Variants in SPIN1 observed in about 807,000 individuals in gnomAD.
SPIN1 encodes the protein spindlin-1.
In SPIN1, 3 loss-of-function variants were observed where a neutral mutation model predicts 26.0. The ratio of observed to expected loss-of-function variants is 0.12; its 90% CI spans 0.05 to 0.30. The LOEUF (loss-of-function observed/expected upper bound fraction) is 0.30. Ranked by LOEUF, SPIN1 falls within the 10% of genes least tolerant of loss-of-function variation. The pLI is 1.00. For missense variants in SPIN1, 126 were observed against 333.4 expected (o/e 0.38, Z 4.84); for synonymous variants, 101 against 116.5 (o/e 0.87, Z 0.86).
intron 1 of SPIN1, among the ~76,000 whole-genome samples, chr9:88,417,337 T>C (rs1827588025): frequency 6.6e-6 from 1 of 152,230 alleles, no homozygotes; most frequent in South Asian, 2.1e-4. Flanking sequence ...TGTGTCTCAT[T>C]TTCTCTGATG....
At chr9:88,472,180 A>G (rs1828803025) in intron 5 of SPIN1, among the ~76,000 whole-genome samples, 1 of 152,176 alleles carries the variant, frequency 6.6e-6, no homozygotes, top group African/African-American at 2.4e-5. Flanking sequence ...ACTTGTCAGA[A>G]CAAAGAAGTC....
chr9:88,444,691 C>CTTTTTTTTTTTTT (rs1226379698), intron 2 of SPIN1, among the ~76,000 whole-genome samples: 1 of 123,068 alleles, frequency 8.1e-6, no homozygotes, highest in Non-Finnish European at 1.7e-5. Flanking sequence ...CTTTTCTTTT[C>CTTTTTTTTTTTTT]TTTTTTTTTT....
At chr9:88,419,809 G>T (rs11142290) in intron 1 of SPIN1, among the ~76,000 whole-genome samples, 1 of 152,186 alleles carries the variant, frequency 6.6e-6, no homozygotes, top group Admixed American at 6.5e-5. Context: ...TGATAGACCA[G>T]ACTAAAATCT....
At chr9:88,457,681 C>T (rs578201008) in intron 3 of SPIN1, 1 of 245,502 alleles carries the variant, frequency 4.1e-6, no homozygotes, top group South Asian at 1.5e-4. Context: ...AGACTTTGAA[C>T]CTGATTTGTA....
At chr9:88,405,666 C>T (rs1827286748) in intron 1 of SPIN1, among the ~76,000 whole-genome samples, 1 of 151,036 alleles carries the variant, frequency 6.6e-6, no homozygotes. Flanking sequence ...GCCTCAGCCT[C>T]CTGAGTAGCT....
At chr9:88,394,393 A>G (rs1827008177) in intron 1 of SPIN1, among the ~76,000 whole-genome samples, 2 of 152,268 alleles carry the variant, frequency 1.3e-5, no homozygotes, top group Non-Finnish European at 2.9e-5. Flanking sequence ...TCTGGGTGTT[A>G]TATGTTCTTA....
At chr9:88,454,389 G>A (rs1828427031) in intron 3 of SPIN1, among the ~76,000 whole-genome samples, 1 of 152,000 alleles carries the variant, frequency 6.6e-6, no homozygotes, top group Non-Finnish European at 1.5e-5. Context: ...ATGACCAAAG[G>A]GTGTTTGATC....
intron 2 of SPIN1, among the ~76,000 whole-genome samples, chr9:88,434,704 T>C (rs1422290278): frequency 6.6e-6 from 1 of 152,182 alleles, no homozygotes; most frequent in African/African-American, 2.4e-5. Context: ...ACCATATTCA[T>C]TTGGTATCCA....
chr9:88,472,603 C>G (rs1026277275), intron 5 of SPIN1, among the ~76,000 whole-genome samples: 2 of 152,208 alleles, frequency 1.3e-5, no homozygotes, highest in Admixed American at 1.3e-4. Context: ...GGCAATTCGT[C>G]TACCTCAGCC....
intron 1 of SPIN1, chr9:88,391,703 A>C (rs1223074368): frequency 1.3e-5 from 2 of 152,082 alleles, no homozygotes; most frequent in Non-Finnish European, 2.9e-5. Context: ...GTTGAAAGTC[A>C]CGCTACTGAA....
chr9:88,421,297 G>A (rs78604220), intron 1 of SPIN1, among the ~76,000 whole-genome samples: 2,943 of 152,212 alleles, frequency 0.019, 69 homozygotes, highest in African/African-American at 0.063. Flanking sequence ...AAATGTGTGT[G>A]TGTGTGTGTC....
chr9:88,413,268 G>A (rs1461296202), intron 1 of SPIN1, among the ~76,000 whole-genome samples: 1 of 151,660 alleles, frequency 6.6e-6, no homozygotes, highest in South Asian at 2.1e-4. Context: ...ATGTTGGCCA[G>A]GCTGGTCTCA....
At chr9:88,395,074 C>G (rs1322169722) in intron 1 of SPIN1, among the ~76,000 whole-genome samples, 1 of 151,928 alleles carries the variant, frequency 6.6e-6, no homozygotes, top group Admixed American at 6.6e-5. Context: ...TGCCAAAGTG[C>G]TGGGATTACA....
chr9:88,442,651 C>G (rs1446781659), intron 2 of SPIN1, among the ~76,000 whole-genome samples: 1 of 151,728 alleles, frequency 6.6e-6, no homozygotes, highest in African/African-American at 2.4e-5. Flanking sequence ...TCCCAAAGTG[C>G]TGGGATTACA....
chr9:88,411,334 A>G, intron 1 of SPIN1: 1 of 1,479,736 alleles, frequency 6.8e-7, no homozygotes, highest in East Asian at 2.3e-5. Flanking sequence ...TCATTACCAC[A>G]CAGTCCGTGA....
chr9:88,427,111 TA>T (rs1827777883), intron 2 of SPIN1, among the ~76,000 whole-genome samples: 1 of 152,194 alleles, frequency 6.6e-6, no homozygotes, highest in Non-Finnish European at 1.5e-5. Flanking sequence ...CCAATAAAGA[TA>T]AACAAAATCT....
At chr9:88,436,754 CTTTTTTTTTTTTTTTT>C (rs776223657) in intron 2 of SPIN1, among the ~76,000 whole-genome samples, 5 of 98,786 alleles carry the variant, frequency 5.1e-5, no homozygotes, top group South Asian at 3.6e-4. Flanking sequence ...TCCTCTGTGT[CTTTTTTTTTTTTTTTT>C]TTTTTTTTTT....
chr9:88,457,088 A>G (rs572643767), intron 3 of SPIN1, among the ~76,000 whole-genome samples: 2 of 152,308 alleles, frequency 1.3e-5, no homozygotes, highest in Non-Finnish European at 2.9e-5. Context: ...AAGTGCTAGC[A>G]TTTGTCTGAT....
intron 1 of SPIN1, among the ~76,000 whole-genome samples, chr9:88,421,583 G>A (rs1161193210): frequency 6.6e-6 from 1 of 152,062 alleles, no homozygotes. Flanking sequence ...CTGGCCTTAA[G>A]TGTCTTTTGT....
Sources: allele counts gnomAD v4.1 joint callset (sites outside exome capture counted in the v4.1 genomes callset), GRCh38; gene constraint gnomAD v4.1.1; transcripts MANE v1.5; gene names NCBI Gene and HGNC (gene_info 2026-07-23, HGNC 2026-07-21).